Variants in LDLRAD4 observed in about 807,000 individuals in gnomAD.
LDLRAD4 encodes the protein low density lipoprotein receptor class A domain containing 4.
A neutral mutation model predicts 17.0 loss-of-function variants in LDLRAD4; 5 were observed. The ratio of observed to expected loss-of-function variants is 0.29; its 90% CI spans 0.15 to 0.62. The LOEUF (loss-of-function observed/expected upper bound fraction) is 0.62, where lower values mean the gene tolerates loss of function less well. LDLRAD4 is among the 20% of genes least tolerant of loss of function. The pLI, the probability that LDLRAD4 is intolerant of heterozygous loss-of-function variation, is 0.84. For missense variants in LDLRAD4, 340 were observed against 424.7 expected (o/e 0.80, Z 1.75); for synonymous variants, 168 against 171.8 (o/e 0.98, Z 0.17).
chr18:13,502,883 A>C lies in LDLRAD4; in HGVS notation c.181+64499A>C, dbSNP rs118177565. On this transcript the variant is annotated intron_variant, in intron 3 of 5. Coordinates refer to ENST00000359446, the Ensembl canonical transcript of LDLRAD4. ...GTCTGGCTGGCAGCCACAGGCTGGG[A>C]TCCCAGTTGTTGGAGGTCAGTGCAC... 2.4e-3 allele frequency among the ~76,000 whole-genome samples: 368 copies of C among 152,346 alleles called. 9 individuals are homozygous for C. In the East Asian group the frequency reaches 0.062, roughly 25 times the overall value.
At position 13,312,203 on chromosome 18, in the gene LDLRAD4, A is replaced by C. The variant is rs111413683; in HGVS notation, c.-383+34015A>C. ...ACAGCTGACCATGGTGCCGGGTGGCAGTTTAAACTTCATTTCATGCACACA... is the reference window on the plus strand; with the variant it reads ...ACAGCTGACCATGGTGCCGGGTGGCCGTTTAAACTTCATTTCATGCACACA... On this transcript the variant is annotated intron_variant, in intron 1 of 5. Transcript: ENST00000359446. 9.6e-3 allele frequency among the ~76,000 whole-genome samples: 1,461 copies of C among 152,294 alleles called. 14 individuals carry two copies. Among genetic ancestry groups the C allele is most frequent in the African/African-American group, 0.026 (1,070 of 41,558 alleles).
chr18:13,332,339 G>C (rs1189303505), intron 1 of LDLRAD4, among the ~76,000 whole-genome samples: 1 of 152,096 alleles, frequency 6.6e-6, no homozygotes, highest in Admixed American at 6.5e-5. Flanking sequence ...TGCATAACCA[G>C]CCTCCTCCGC....
chr18:13,502,197 T>G (rs2093625263), intron 3 of LDLRAD4, among the ~76,000 whole-genome samples: 1 of 152,244 alleles, frequency 6.6e-6, no homozygotes, highest in Non-Finnish European at 1.5e-5. Flanking sequence ...TGACTTAAAG[T>G]TACGTGTCCT....
intron 1 of LDLRAD4, among the ~76,000 whole-genome samples, chr18:13,324,485 C>A (rs2081415615): frequency 6.6e-6 from 1 of 152,280 alleles, no homozygotes; most frequent in South Asian, 2.1e-4. Context: ...TACGAACTCT[C>A]TGAGTATGTC....
intron 4 of LDLRAD4, chr18:13,642,431 G>T: frequency 8.6e-7 from 1 of 1,164,664 alleles, no homozygotes; most frequent in Non-Finnish European, 1.1e-6. Flanking sequence ...GCCTTGGAAA[G>T]AACCTTTACT....
chr18:13,548,650 T>C (rs1337639158), intron 3 of LDLRAD4, among the ~76,000 whole-genome samples: 1 of 152,234 alleles, frequency 6.6e-6, no homozygotes. Flanking sequence ...GGGTGGTTTC[T>C]GGGCCTCCAA....
At chr18:13,438,291 C>G in exon 3 of LDLRAD4, 1 of 1,613,720 alleles carries the variant, frequency 6.2e-7, no homozygotes, top group South Asian at 1.1e-5. Context: ...TCTTGGTTCG[C>G]TGGTCTGTAA....
chr18:13,563,161 A>G (rs143876590), intron 3 of LDLRAD4, among the ~76,000 whole-genome samples: 79 of 152,342 alleles, frequency 5.2e-4, no homozygotes, highest in African/African-American at 1.9e-3. Context: ...ACTTATTTTT[A>G]TCTTTGGAGA....
chr18:13,583,165 A>T (rs559095674), intron 3 of LDLRAD4, among the ~76,000 whole-genome samples: 1 of 152,248 alleles, frequency 6.6e-6, no homozygotes, highest in Non-Finnish European at 1.5e-5. Context: ...AGTGGACTAG[A>T]TGCTATCCAA....
chr18:13,327,855 G>C (rs1053294087), intron 1 of LDLRAD4, among the ~76,000 whole-genome samples: 1 of 152,124 alleles, frequency 6.6e-6, no homozygotes, highest in Admixed American at 6.5e-5. Context: ...CTTTGCTTCT[G>C]GGCTGTCATC....
intron 1 of LDLRAD4, among the ~76,000 whole-genome samples, chr18:13,368,400 C>T (rs767176221): frequency 3.2e-4 from 48 of 152,232 alleles, no homozygotes; most frequent in Admixed American, 2.4e-3. Context: ...TGCACTGCCC[C>T]GGCCTGTCTC....
At chr18:13,229,821 C>T (rs1023337869) in intron 1 of LDLRAD4, among the ~76,000 whole-genome samples, 2 of 152,184 alleles carry the variant, frequency 1.3e-5, no homozygotes, top group African/African-American at 2.4e-5. Flanking sequence ...TGGTGGAAGA[C>T]AGGTGTGCCC....
At chr18:13,468,855 TG>T (rs2092694636) in intron 3 of LDLRAD4, among the ~76,000 whole-genome samples, 1 of 48,352 alleles carries the variant, frequency 2.1e-5, no homozygotes, top group Non-Finnish European at 3.8e-5. Context: ...TGTTGTGGGG[TG>T]GGGGGAGGGG....
chr18:13,263,220 G>C (rs576177441), intron 1 of LDLRAD4, among the ~76,000 whole-genome samples: 4 of 151,118 alleles, frequency 2.6e-5, no homozygotes, highest in African/African-American at 9.7e-5. Context: ...GTGTGGCTCT[G>C]TGCGTGGGGG....
intron 2 of LDLRAD4, among the ~76,000 whole-genome samples, chr18:13,422,923 G>A (rs1037383387): frequency 2.0e-5 from 3 of 152,148 alleles, no homozygotes; most frequent in African/African-American, 7.2e-5. Context: ...GCGGAAAGCT[G>A]GTGTTGGGAA....
At chr18:13,535,571 A>T (rs1715274775) in intron 3 of LDLRAD4, among the ~76,000 whole-genome samples, 1 of 152,104 alleles carries the variant, frequency 6.6e-6, no homozygotes, top group Non-Finnish European at 1.5e-5. Context: ...TTTGTTAGAT[A>T]TATATTTTCC....
intron 3 of LDLRAD4, among the ~76,000 whole-genome samples, chr18:13,565,572 C>G (rs1037586535): frequency 6.6e-6 from 1 of 152,242 alleles, no homozygotes; most frequent in Admixed American, 6.5e-5. Flanking sequence ...TTGTCTTGGG[C>G]TGTGGAACGA....
At position 13,387,636 on chromosome 18, in the gene LDLRAD4, T is replaced by A; in HGVS notation, c.-87T>A. Reference sequence around the variant, plus strand: ...AGCAGAGCGATGGACTTGGACAGGCTAAGATGGAAGTGACCTGAGCCTCGC... The same window carrying A: ...AGCAGAGCGATGGACTTGGACAGGCAAAGATGGAAGTGACCTGAGCCTCGC... On this transcript the variant is annotated 5_prime_UTR_variant, in exon 2 of 6. An upstream open reading frame in the 5' UTR loses its in-frame stop. Coordinates refer to ENST00000359446, the Ensembl canonical transcript of LDLRAD4. 1 of 1,232,336 alleles carries A rather than the reference T, an allele frequency of 8.1e-7. No homozygotes were observed. Among genetic ancestry groups the A allele is most frequent in the South Asian group, 1.2e-5 (1 of 83,152 alleles). The allele number at this position is 1,232,336 out of a possible 1,614,324, so 76.3% of individuals were successfully genotyped here.
intron 4 of LDLRAD4, among the ~76,000 whole-genome samples, chr18:13,642,984 G>A (rs577892415): frequency 6.7e-6 from 1 of 149,374 alleles, no homozygotes; most frequent in African/African-American, 2.5e-5. Flanking sequence ...CGCCCAGGCT[G>A]GAGTGCAGTG....
Sources: allele counts gnomAD v4.1 joint callset (sites outside exome capture counted in the v4.1 genomes callset), GRCh38; gene constraint gnomAD v4.1.1; transcripts MANE v1.5; gene names NCBI Gene and HGNC (gene_info 2026-07-23, HGNC 2026-07-21).